Variants in COL11A1 observed in about 807,000 individuals in gnomAD.
The protein encoded by COL11A1 is collagen type XI alpha 1 chain, also known as collagen alpha-1(XI) chain.
A neutral mutation model predicts 265.2 loss-of-function variants in COL11A1; 74 were observed. That is an observed-to-expected ratio of 0.28 (90% CI 0.23 to 0.34). The LOEUF is 0.34. COL11A1 is among the 10% of genes least tolerant of loss of function. The pLI, the probability that COL11A1 is intolerant of heterozygous loss-of-function variation, is 1.00. For synonymous variants in COL11A1, 816 were observed against 727.6 expected, an observed-to-expected ratio of 1.12 and a Z score of -1.96; for missense variants, 2,165 against 2,263.6, an observed-to-expected ratio of 0.96 and a Z score of 0.88.
At chr1:103,026,784 C>T (rs1361582242) in intron 5 of COL11A1, among the ~76,000 whole-genome samples, 9 of 151,740 alleles carry the variant, frequency 5.9e-5, no homozygotes, top group African/African-American at 2.2e-4. Context: ...AGTAGTCTTC[C>T]TAAGTATGAA....
At chr1:103,054,629 C>T (rs953009403) in intron 4 of COL11A1, among the ~76,000 whole-genome samples, 30 of 152,104 alleles carry the variant, frequency 2.0e-4, no homozygotes, top group Admixed American at 8.5e-4. Context: ...AGGTCAGGCA[C>T]GGTGGCTCAT....
chr1:102,951,549 G>T (rs893289245), intron 41 of COL11A1, among the ~76,000 whole-genome samples: 3 of 151,880 alleles, frequency 2.0e-5, no homozygotes, highest in African/African-American at 7.3e-5. Flanking sequence ...CAATAAATTA[G>T]CTGGGCGTGG....
chr1:102,992,641 C>A (rs559884338), intron 28 of COL11A1, among the ~76,000 whole-genome samples: 5 of 151,910 alleles, frequency 3.3e-5, no homozygotes, highest in Admixed American at 1.3e-4. Context: ...AATATTTATA[C>A]AAAGTTTCTC....
chr1:102,983,491 G>A (rs1663236729), intron 31 of COL11A1, among the ~76,000 whole-genome samples: 1 of 151,988 alleles, frequency 6.6e-6, no homozygotes, highest in Non-Finnish European at 1.5e-5. Flanking sequence ...ACAGAAAAAA[G>A]GCCAGTTAAG....
chr1:102,887,693 C>T (rs533355673), intron 62 of COL11A1, among the ~76,000 whole-genome samples: 1 of 152,108 alleles, frequency 6.6e-6, no homozygotes, highest in Non-Finnish European at 1.5e-5. Context: ...TTCTCAGTAT[C>T]TCAGAATGTA....
rs1294202809 is a variant in COL11A1 at position 102,877,357 on chromosome 1, T to C, written c.*662A>G. ...GTCGGCAGAGAAGAGTTGATCAGAG[T>C]GTGCTTCCAAAAGTCTTCCAGATTT... is the stretch of plus-strand genomic sequence containing the variant. On this transcript the variant is annotated 3_prime_UTR_variant, in exon 67 of 67. Coordinates refer to ENST00000370096, the MANE Select transcript of COL11A1 (RefSeq NM_001854.4). 1 of 152,510 alleles carries C rather than the reference T, an allele frequency of 6.6e-6. No homozygotes were observed. The highest frequency in any genetic ancestry group is 1.5e-5 in the Non-Finnish European group (1 of 67,978). The allele number at this position is 152,510 out of a possible 1,614,324, so 9.4% of individuals were successfully genotyped here. A position where few individuals can be genotyped will look rare whatever the true frequency, so the allele number is the denominator to read the frequency against.
intron 54 of COL11A1, among the ~76,000 whole-genome samples, chr1:102,904,732 CTGGAGAGGA>C (rs1158750146): frequency 6.6e-6 from 1 of 152,110 alleles, no homozygotes; most frequent in Admixed American, 6.5e-5. Context: ...ACAACAGGTG[CTGGAGAGGA>C]TGTGGAGAAA....
intron 4 of COL11A1, among the ~76,000 whole-genome samples, chr1:103,062,867 T>C (rs1670781548): frequency 6.6e-6 from 1 of 151,778 alleles, no homozygotes; most frequent in Non-Finnish European, 1.5e-5. Context: ...GACAAAAAAA[T>C]TGGAAATAAT....
chr1:102,893,084 G>T (rs1415337144), intron 57 of COL11A1, among the ~76,000 whole-genome samples: 1 of 152,082 alleles, frequency 6.6e-6, no homozygotes, highest in African/African-American at 2.4e-5. Flanking sequence ...AGTAAAAATT[G>T]TATAAACAGT....
intron 4 of COL11A1, among the ~76,000 whole-genome samples, chr1:103,057,945 C>T (rs1670368629): frequency 6.6e-6 from 1 of 152,122 alleles, no homozygotes; most frequent in South Asian, 2.1e-4. Flanking sequence ...GCTGCATTAT[C>T]CCCTAACAAG....
At chr1:102,987,527 T>C in intron 30 of COL11A1, 106 bp downstream of exon 30, 14 of 845,076 alleles carry the variant, frequency 1.7e-5, no homozygotes. Flanking sequence ...ATTTTATCTT[T>C]AATGTAGTAA....
chr1:103,044,326 A>C (rs1467294760), intron 4 of COL11A1, among the ~76,000 whole-genome samples: 1 of 152,070 alleles, frequency 6.6e-6, no homozygotes, highest in African/African-American at 2.4e-5. Flanking sequence ...AATGAGGGAA[A>C]CCATATAATC....
intron 9 of COL11A1, among the ~76,000 whole-genome samples, chr1:103,019,246 G>T (rs1305688378): frequency 6.6e-6 from 1 of 152,062 alleles, no homozygotes; most frequent in Non-Finnish European, 1.5e-5. Context: ...GTAAATATTT[G>T]CTGTGTAAAT....
rs374295267 is a variant in COL11A1 at position 102,915,616 on chromosome 1, T to A, written c.3816+15A>T. The A allele has an allele frequency of 1.9e-5, 31 of 1,609,450 alleles. No individual in the cohort carries two copies. In the African/African-American group the frequency reaches 4.0e-4, roughly 21 times the overall value. On this transcript the variant is annotated intron_variant, in intron 50 of 66. Transcript: ENST00000370096. ...AACCAATAATACACTATGTTAACAA[T>A]AACACAGTACTTACGCCTACACCTG...
intron 24 of COL11A1, 147 bp from the exon 25 acceptor site, chr1:102,998,510 T>A: frequency 2.0e-6 from 1 of 505,780 alleles, no homozygotes; most frequent in Non-Finnish European, 3.4e-6. Context: ...AAATATATTA[T>A]TTGGAGGAAA....
At chr1:103,012,325 T>C (rs1666200374) in intron 14 of COL11A1, 88 bp downstream of exon 14, 1 of 940,828 alleles carries the variant, frequency 1.1e-6, no homozygotes, top group Non-Finnish European at 1.7e-6. Context: ...TCACCAACCA[T>C]AGATATGCAC....
At chr1:102,905,904 A>G (rs1653922054) in intron 54 of COL11A1, among the ~76,000 whole-genome samples, 1 of 152,202 alleles carries the variant, frequency 6.6e-6, no homozygotes, top group African/African-American at 2.4e-5. Flanking sequence ...CAAACAACAA[A>G]GCAAAATCAA....
intron 44 of COL11A1, among the ~76,000 whole-genome samples, chr1:102,937,239 C>T (rs954644092): frequency 1.3e-5 from 2 of 152,112 alleles, no homozygotes; most frequent in African/African-American, 4.8e-5. Flanking sequence ...TGCAAGGGTC[C>T]TAAGGCAAAA....
chr1:103,023,258 G>T (rs2101948140), intron 7 of COL11A1, among the ~76,000 whole-genome samples: 1 of 152,108 alleles, frequency 6.6e-6, no homozygotes, highest in East Asian at 1.9e-4. Context: ...ATGTGTATTT[G>T]CTTGTTCCAT....
Sources: allele counts gnomAD v4.1 joint callset (sites outside exome capture counted in the v4.1 genomes callset), GRCh38; gene constraint gnomAD v4.1.1; transcripts MANE v1.5; gene names NCBI Gene and HGNC (gene_info 2026-07-23, HGNC 2026-07-21).